Variants in CYFIP1 observed in about 807,000 individuals in gnomAD.
The protein encoded by CYFIP1 is cytoplasmic FMR1-interacting protein 1.
CYFIP1 carries 58 observed loss-of-function variants against 163.5 expected under a neutral mutation model. The observed-to-expected ratio is 0.35, with a 90% confidence interval of 0.29 to 0.44. The LOEUF (loss-of-function observed/expected upper bound fraction) is 0.44, where lower values mean the gene tolerates loss of function less well. Among genes scored for constraint, CYFIP1 ranks in the 20% least tolerant of loss-of-function variants. The probability of loss-of-function intolerance (pLI) is 1.00; values close to 1 mark genes in which losing one functional copy is unlikely to be tolerated. For synonymous variants in CYFIP1, 663 were observed against 660.7 expected (o/e 1.00, Z -0.05); for missense variants, 1,338 against 1,653.8 (o/e 0.81, Z 3.31).
chr15:22,926,250 A>ACC, intron 12 of CYFIP1, 143 bp from the exon 13 acceptor site: 1 of 1,209,824 alleles, frequency 8.3e-7, no homozygotes, highest in Non-Finnish European at 1.2e-6. Flanking sequence ...GGGCGCACAC[A>ACC]CCGTCCATCT....
chr15:22,973,502 G>A (rs2063170100), intron 1 of CYFIP1, among the ~76,000 whole-genome samples: 2 of 151,814 alleles, frequency 1.3e-5, no homozygotes, highest in South Asian at 2.1e-4. Context: ...CTGTAAATGT[G>A]TATCCTTTGA....
chr15:22,976,007 C>T (rs1382459987), intron 1 of CYFIP1, among the ~76,000 whole-genome samples: 1 of 151,924 alleles, frequency 6.6e-6, no homozygotes, highest in Non-Finnish European at 1.5e-5. Context: ...GTTGAGTGTT[C>T]CAACCACTGA....
chr15:22,886,428 G>A (rs747101168), intron 23 of CYFIP1, among the ~76,000 whole-genome samples: 3 of 151,922 alleles, frequency 2.0e-5, no homozygotes, highest in African/African-American at 7.3e-5. Flanking sequence ...TAAATAAATC[G>A]AATAATCAAA....
chr15:22,921,782 A>G (rs72698043), intron 13 of CYFIP1, among the ~76,000 whole-genome samples: 5 of 92,820 alleles, frequency 5.4e-5, no homozygotes, highest in Admixed American at 9.4e-5. Context: ...AAAAAAAAAA[A>G]AAAGAAGCAC....
rs541478866 is a variant in CYFIP1, at chr15:22,896,666, A to C, written c.2589-3689T>G. Among the ~76,000 whole-genome samples the C allele has an allele frequency of 4.0e-4, 61 of 152,208 alleles. 3 individuals carry two copies. The South Asian group carries it at 9.3e-3, about 23-fold the overall frequency. ...CATTTCAGCTTTAATTCACTGGATT[A>C]TTTATATAACACCCATTTATCTCTG... On this transcript the variant is annotated intron_variant, in intron 22 of 30. Coordinates refer to ENST00000617928, the MANE Select transcript of CYFIP1 (RefSeq NM_014608.6).
chr15:22,895,934 A>G (rs1270660076), intron 22 of CYFIP1, among the ~76,000 whole-genome samples: 5 of 152,206 alleles, frequency 3.3e-5, no homozygotes, highest in South Asian at 2.1e-4. Flanking sequence ...AACCTCCCAG[A>G]CTTTGCCCTG....
At chr15:22,946,288 G>C in intron 3 of CYFIP1, among the ~76,000 whole-genome samples, 1 of 150,866 alleles carries the variant, frequency 6.6e-6, no homozygotes, top group East Asian at 2.0e-4. Flanking sequence ...TGGGCAACCT[G>C]AGTGAGACCA....
At position 22,882,915 on chromosome 15, in the gene CYFIP1, C is replaced by T. The variant is rs1238578084; in HGVS notation, c.2773G>A (p.Gly925Ser). ...QVICRLLGYQGIAVVMEELLK... is the reference protein window; with the variant it reads ...QVICRLLGYQSIAVVMEELLK... The stretch of plus-strand genomic sequence containing the variant: ...AGCTCCTCCATGACCACGGCGATAC[C>T]CTGGTAGCCGAGAAGCCGGCAGATG... Residue 925 changes from glycine (G) to serine (S), a missense_variant, in exon 24 of 31, where the codon GGT (glycine) becomes AGT (serine). By Grantham distance (56) the Gly-to-Ser change is moderately conservative. Transcript: ENST00000617928. 6.2e-7 allele frequency: 1 copy of T among 1,614,044 alleles called. No individual in the cohort carries two copies. Among genetic ancestry groups the T allele is most frequent in the Admixed American group, 1.7e-5 (1 of 60,016 alleles).
At chr15:22,942,713 TCTGCACATTG>T (rs1157581639) in intron 6 of CYFIP1, among the ~76,000 whole-genome samples, 1 of 152,132 alleles carries the variant, frequency 6.6e-6, no homozygotes, top group Non-Finnish European at 1.5e-5. Flanking sequence ...ACGGGCCACG[TCTGCACATTG>T]CTGGGATGGT....
chr15:22,871,727 C>G (rs987956612), intron 30 of CYFIP1, among the ~76,000 whole-genome samples: 1 of 152,130 alleles, frequency 6.6e-6, no homozygotes, highest in Non-Finnish European at 1.5e-5. Context: ...CTGAGACTGC[C>G]CAACCCACCA....
chr15:22,893,246 T>C (rs1039012294), intron 22 of CYFIP1, among the ~76,000 whole-genome samples: 2 of 152,170 alleles, frequency 1.3e-5, no homozygotes, highest in Non-Finnish European at 2.9e-5. Context: ...CCCAACGCAA[T>C]CCTCAGGTAG....
intron 1 of CYFIP1, 143 bp from the exon 2 acceptor site, chr15:22,947,434 T>C: frequency 3.3e-6 from 4 of 1,196,256 alleles, no homozygotes; most frequent in Non-Finnish European, 4.6e-6. Flanking sequence ...TGATCAGTCC[T>C]TGGGAGTTGC....
intron 22 of CYFIP1, among the ~76,000 whole-genome samples, chr15:22,899,845 C>T (rs2060340472): frequency 1.3e-5 from 2 of 152,204 alleles, no homozygotes; most frequent in South Asian, 4.1e-4. Flanking sequence ...GTTGGGAATT[C>T]AAGACCAGCC....
intron 1 of CYFIP1, among the ~76,000 whole-genome samples, chr15:22,949,958 G>C (rs915405151): frequency 1.3e-5 from 2 of 151,792 alleles, no homozygotes; most frequent in Non-Finnish European, 2.9e-5. Context: ...GTGAAATCCT[G>C]CCTCTTTTAA....
chr15:22,929,631 CAA>C (rs35408380), intron 11 of CYFIP1, among the ~76,000 whole-genome samples: 8 of 42,262 alleles, frequency 1.9e-4, no homozygotes, highest in African/African-American at 4.5e-4. Flanking sequence ...GACTCTGTCT[CAA>C]AAAAAAAAAA....
Position 22,867,071 on chromosome 15 carries a change from G to A in CYFIP1, c.*2957C>T, listed in dbSNP as rs1337999474. ...TGACGATTTCTATTAACATTTTATT[G>A]TTGTAGAAGTATTTTACATTTTCAT... On this transcript the variant is annotated 3_prime_UTR_variant, in exon 31 of 31. Coordinates refer to ENST00000617928, the MANE Select transcript of CYFIP1 (RefSeq NM_014608.6). The A allele has an allele frequency of 3.9e-6, 2 of 506,556 alleles. No individual in the cohort carries two copies. The highest frequency in any genetic ancestry group is 6.9e-6 in the Non-Finnish European group (2 of 291,230). 31.4% of individuals were successfully genotyped at this position (506,556 alleles called of 1,614,324 possible).
chr15:22,892,104 TC>T (rs1390722286), intron 23 of CYFIP1, among the ~76,000 whole-genome samples: 1 of 152,186 alleles, frequency 6.6e-6, no homozygotes, highest in Non-Finnish European at 1.5e-5. Flanking sequence ...GCGAGCCGGA[TC>T]CTCTGGCCTC....
intron 22 of CYFIP1, among the ~76,000 whole-genome samples, chr15:22,897,665 G>A (rs1450389183): frequency 6.6e-6 from 1 of 152,012 alleles, no homozygotes; most frequent in East Asian, 1.9e-4. Context: ...TGTATTTTTA[G>A]TAGAGGTGGA....
At position 22,867,259 on chromosome 15, in the gene CYFIP1, A is replaced by G. The variant is rs532696124; in HGVS notation, c.*2769T>C. The G allele has an allele frequency of 1.7e-5, 7 of 402,016 alleles. 1 individual carries two copies. The South Asian group carries it at 4.9e-4, about 28-fold the overall frequency. The allele number at this position is 402,016 out of a possible 1,614,324, so 24.9% of individuals were successfully genotyped here. A position where few individuals can be genotyped will look rare whatever the true frequency, so the allele number is the denominator to read the frequency against. ...ATTTTAAAAAAACAGAGTTATCCCA[A>G]TACATTATCCTGTGATTTACCTTAC... On this transcript the variant is annotated 3_prime_UTR_variant, in exon 31 of 31. Transcript: ENST00000617928.
Sources: gnomAD v4.1 joint callset for allele counts (sites outside exome capture counted in the v4.1 genomes callset) on GRCh38, gnomAD v4.1.1 for gene constraint, MANE v1.5 for transcripts, NCBI Gene and HGNC (gene_info 2026-07-23, HGNC 2026-07-21) for gene names.